Variants in ZC3H11A observed in about 807,000 individuals in gnomAD.
The protein encoded by ZC3H11A is zinc finger CCCH-type containing 11A, also known as zinc finger CCCH domain-containing protein 11A.
In ZC3H11A, 22 loss-of-function variants were observed where a neutral mutation model predicts 90.8. The ratio of observed to expected loss-of-function variants is 0.24; its 90% CI spans 0.17 to 0.35. The LOEUF (loss-of-function observed/expected upper bound fraction) is 0.35, where lower values mean the gene tolerates loss of function less well. Among genes scored for constraint, ZC3H11A ranks in the 10% least tolerant of loss-of-function variants. The pLI is 1.00. For missense variants in ZC3H11A, 701 were observed against 964.9 expected (o/e 0.73, Z 3.62); for synonymous variants, 294 against 339.8 (o/e 0.87, Z 1.48).
Position 203,849,909 on chromosome 1 carries a change from C to T in ZC3H11A, c.1822C>T (p.Leu608=). ...LTAVPGITRH[L]TKRLPTKSSQ... ...TGCTGTGCCAGGAATCACACGGCAC[C>T]TGACCAAGCGGCTTCCCACAAAGTC... Residue 608 remains leucine (L), a synonymous_variant, in exon 15 of 18, where the codon CTG becomes TTG. Coordinates refer to ENST00000367210, the MANE Select transcript of ZC3H11A (RefSeq NM_001376342.1). The T allele has an allele frequency of 1.2e-6, 2 of 1,614,104 alleles. No homozygotes were observed. The highest frequency in any genetic ancestry group is 1.7e-6 in the Non-Finnish European group (2 of 1,180,024).
chr1:203,819,257 T>C (rs185626692), intron 4 of ZC3H11A, among the ~76,000 whole-genome samples: 1 of 150,026 alleles, frequency 6.7e-6, no homozygotes, highest in African/African-American at 2.4e-5. Flanking sequence ...AGTCTCACTC[T>C]GTCGCCCACG....
intron 2 of ZC3H11A, among the ~76,000 whole-genome samples, chr1:203,815,860 G>A (rs1558107222): frequency 6.6e-6 from 1 of 152,180 alleles, no homozygotes; most frequent in Non-Finnish European, 1.5e-5. Context: ...ATTCTCGTAT[G>A]TGCTTTTGTT....
intron 12 of ZC3H11A, among the ~76,000 whole-genome samples, chr1:203,840,916 G>A (rs1422514315): frequency 2.0e-5 from 3 of 152,042 alleles, no homozygotes; most frequent in African/African-American, 2.4e-5. Flanking sequence ...TTACAGGCAC[G>A]AGCCACCGCA....
At chr1:203,831,270 A>C (rs1447081403) in intron 8 of ZC3H11A, among the ~76,000 whole-genome samples, 1 of 152,086 alleles carries the variant, frequency 6.6e-6, no homozygotes, top group Non-Finnish European at 1.5e-5. Context: ...CCTTCTTTTA[A>C]GGCTTGCTTT....
chr1:203,837,461 T>G (rs2103156511), intron 10 of ZC3H11A, among the ~76,000 whole-genome samples: 2 of 151,984 alleles, frequency 1.3e-5, no homozygotes, highest in South Asian at 4.2e-4. Context: ...TCTCTTTTTT[T>G]TTTTTTCTTG....
intron 10 of ZC3H11A, among the ~76,000 whole-genome samples, chr1:203,836,102 G>T (rs1684240149): frequency 6.6e-6 from 1 of 152,170 alleles, no homozygotes; most frequent in Non-Finnish European, 1.5e-5. Context: ...ATAATACTAA[G>T]CCAGGTATGG....
At position 203,801,782 on chromosome 1, in the gene ZC3H11A, T is replaced by C. The variant is rs1670603672; in HGVS notation, c.-1380T>C. 6.6e-6 allele frequency: 1 copy of C among 151,640 alleles called. No homozygotes were observed. The highest frequency in any genetic ancestry group is 2.1e-4 in the South Asian group (1 of 4,796). The allele number at this position is 151,640 out of a possible 1,614,324, so 9.4% of individuals were successfully genotyped here. On this transcript the variant is annotated 5_prime_UTR_variant, in exon 2 of 18. Transcript: ENST00000367210. ...GCTGGTTTCAAAGTTTAGAACTCAT[T>C]TCTATGTATCAAAATCGGGTTTTTT...
intron 12 of ZC3H11A, among the ~76,000 whole-genome samples, chr1:203,842,288 C>T (rs1404283828): frequency 2.0e-5 from 3 of 152,212 alleles, no homozygotes; most frequent in Non-Finnish European, 4.4e-5. Flanking sequence ...GATCACGCCA[C>T]TGCACTCCAG....
rs1470749307 is a variant in ZC3H11A at position 203,800,022 on chromosome 1, A to C, written c.-1587-1553A>C. On this transcript the variant is annotated intron_variant, in intron 1 of 17. Transcript: ENST00000367210. The stretch of plus-strand genomic sequence containing the variant: ...AGCTGATTCATTTACCTCATCTCTA[A>C]AAGAAGGCACCTCCAGTTCAGGTTC... The C allele has an allele frequency of 1.8e-5, 27 of 1,535,960 alleles. 1 individual carries two copies. In the South Asian group the frequency reaches 2.4e-4, roughly 14 times the overall value.
At chr1:203,796,839 AT>A (rs1012703742) in intron 1 of ZC3H11A, 7 of 165,992 alleles carry the variant, frequency 4.2e-5, no homozygotes, top group South Asian at 2.0e-4. Flanking sequence ...TTCTCAAAGC[AT>A]TTTTTTCCAG....
At chr1:203,799,673 T>C in intron 1 of ZC3H11A, 1 of 706,634 alleles carries the variant, frequency 1.4e-6, no homozygotes, top group East Asian at 2.7e-5. Flanking sequence ...CCCTAATCCA[T>C]CATCTACTCC....
intron 17 of ZC3H11A, among the ~76,000 whole-genome samples, chr1:203,851,669 A>C (rs537791755): frequency 4.5e-4 from 69 of 152,024 alleles, no homozygotes; most frequent in African/African-American, 1.6e-3. Flanking sequence ...AGTTATAAAA[A>C]TGCTTGGTGC....
In ZC3H11A at chr1:203,851,115, C is replaced by G. The variant is rs183932817; in HGVS notation, c.2165C>G (p.Pro722Arg). The G allele has an allele frequency of 7.4e-6, 12 of 1,614,138 alleles. No individual in the cohort carries two copies. Among genetic ancestry groups the G allele is most frequent in the Admixed American group, 3.3e-5 (2 of 60,014 alleles). ...GTCACTGTGCCTGAAGCAGAAAATCCTAGAGACAGGTAATACTTTGTAATT... is the reference window on the plus strand; with the variant it reads ...GTCACTGTGCCTGAAGCAGAAAATCGTAGAGACAGGTAATACTTTGTAATT... Reference protein sequence around the residue: ...KSVTVPEAENPRDSLVLPPTQ... With the variant: ...KSVTVPEAENRRDSLVLPPTQ... Residue 722 changes from proline (P) to arginine (R), a missense_variant, in exon 17 of 18, where the codon CCT becomes CGT. Physicochemically the swap from Pro to Arg is moderately radical, Grantham distance 103 (BLOSUM62 -2). This residue lies in a region of ZC3H11A where 91 missense variants were observed against 86.8 expected (regional missense o/e 1.05). Coordinates refer to ENST00000367210, the MANE Select transcript of ZC3H11A (RefSeq NM_001376342.1).
intron 2 of ZC3H11A, among the ~76,000 whole-genome samples, chr1:203,813,469 T>A (rs1675210847): frequency 1.3e-5 from 2 of 152,334 alleles, no homozygotes; most frequent in South Asian, 4.1e-4. Context: ...AAAGTCTGTG[T>A]CTAAAATTAT....
chr1:203,850,715 CTG>C lies in ZC3H11A; in HGVS notation c.2106+39_2106+40del, dbSNP rs760830246. The stretch of plus-strand genomic sequence containing the variant: ...TATATTCACTTTGTGGTGCTTTATT[CTG>C]TGTGGTAGGAAAGCAGGAAAGACTA... On this transcript the variant is annotated intron_variant, in intron 16 of 17. Transcript: ENST00000367210. The C allele has an allele frequency of 6.9e-6, 11 of 1,599,962 alleles. No individual in the cohort carries two copies. In the East Asian group the frequency reaches 9.0e-5, roughly 13 times the overall value.
chr1:203,852,009 T>G, intron 17 of ZC3H11A, 132 bp from the exon 18 acceptor site: 2 of 319,000 alleles, frequency 6.3e-6, no homozygotes, highest in Non-Finnish European at 1.2e-5. Context: ...TGATCCCAAA[T>G]CAGTAAAAGA....
At chr1:203,830,942 T>A (rs1682103023) in intron 8 of ZC3H11A, among the ~76,000 whole-genome samples, 1 of 119,222 alleles carries the variant, frequency 8.4e-6, no homozygotes, top group African/African-American at 3.9e-5. Context: ...TTTTTTTTTT[T>A]TTTTTTTTTT....
At chr1:203,799,698 C>T (rs1176755926) in intron 1 of ZC3H11A, 2 of 715,362 alleles carry the variant, frequency 2.8e-6, no homozygotes, top group Non-Finnish European at 5.0e-6. Context: ...CCTGCAGAAA[C>T]TCAGAGAAGA....
chr1:203,805,954 A>G, intron 2 of ZC3H11A: 5 of 624,136 alleles, frequency 8.0e-6, no homozygotes, highest in East Asian at 3.9e-5. Context: ...CATAGCATCA[A>G]CCGTGGTCTT....
Sources: gnomAD v4.1 joint callset for allele counts (sites outside exome capture counted in the v4.1 genomes callset) on GRCh38, gnomAD v4.1.1 for gene constraint, gnomAD v4.1.1 regional missense constraint, MANE v1.5 for transcripts, NCBI Gene and HGNC (gene_info 2026-07-23, HGNC 2026-07-21) for gene names.